Variants in PTPRJ observed in about 807,000 individuals in gnomAD.
The protein encoded by PTPRJ is receptor-type tyrosine-protein phosphatase eta.
In PTPRJ, 129 loss-of-function variants were observed where a neutral mutation model predicts 141.3. The ratio of observed to expected loss-of-function variants is 0.91; its 90% CI spans 0.79 to 1.06. The LOEUF is 1.06. PTPRJ is among the 50% of genes least tolerant of loss of function. The probability of loss-of-function intolerance (pLI) is 0.00; values close to 1 mark genes in which losing one functional copy is unlikely to be tolerated. For synonymous variants in PTPRJ, 610 were observed against 640.5 expected, an observed-to-expected ratio of 0.95 and a Z score of 0.72; for missense variants, 1,601 against 1,679.7, an observed-to-expected ratio of 0.95 and a Z score of 0.82.
At chr11:47,990,344 T>C (rs1437212562) in intron 1 of PTPRJ, among the ~76,000 whole-genome samples, 2 of 152,210 alleles carry the variant, frequency 1.3e-5, no homozygotes, top group East Asian at 3.8e-4. Flanking sequence ...AGGTATTCCA[T>C]TTACTGAAGA....
intron 11 of PTPRJ, among the ~76,000 whole-genome samples, chr11:48,142,061 C>T (rs939681811): frequency 2.3e-5 from 3 of 132,446 alleles, no homozygotes; most frequent in African/African-American, 5.6e-5. Flanking sequence ...TTATTATGCT[C>T]ACGGATACAC....
chr11:48,103,819 G>A (rs7117386), intron 1 of PTPRJ, among the ~76,000 whole-genome samples: 107,873 of 152,086 alleles, frequency 0.71, 39,803 homozygotes, highest in South Asian at 0.83. Context: ...TCGGCTGTGC[G>A]TCTCAAAGTC....
At chr11:48,063,273 A>G (rs1419864730) in intron 1 of PTPRJ, among the ~76,000 whole-genome samples, 1 of 152,202 alleles carries the variant, frequency 6.6e-6, no homozygotes, top group Non-Finnish European at 1.5e-5. Context: ...GGTTGCAGTG[A>G]GCTGAGATTG....
At position 48,121,235 on chromosome 11, in the gene PTPRJ, G is replaced by A; in HGVS notation, c.585G>A (p.Trp195Ter). 6.2e-7 allele frequency: 1 copy of A among 1,614,108 alleles called. No individual in the cohort carries two copies. Among genetic ancestry groups the A allele is most frequent in the Non-Finnish European group, 8.5e-7 (1 of 1,179,990 alleles). Residue 195 changes from tryptophan (W) to a stop codon, truncating the protein, a stop_gained, in exon 4 of 25, where the codon TGG becomes TGA. Coordinates refer to ENST00000418331, the MANE Select transcript of PTPRJ (RefSeq NM_002843.4). LOFTEE classifies it high-confidence loss of function. ...CTCCAGGAATAGGCAATGAGACTTGGGGAGATCCCAGAGTCATAAAAGTCA... is the reference window on the plus strand; with the variant it reads ...CTCCAGGAATAGGCAATGAGACTTGAGGAGATCCCAGAGTCATAAAAGTCA... Reference protein sequence around the residue: ...SITPGIGNETWGDPRVIKVIT... With the variant: ...SITPGIGNET
chr11:48,102,292 T>C (rs944703602), intron 1 of PTPRJ, among the ~76,000 whole-genome samples: 1 of 152,228 alleles, frequency 6.6e-6, no homozygotes, highest in Non-Finnish European at 1.5e-5. Flanking sequence ...CTCCAAGCAC[T>C]TCCCCCCGGG....
chr11:48,007,430 T>C (rs921931957), intron 1 of PTPRJ, among the ~76,000 whole-genome samples: 14 of 151,458 alleles, frequency 9.2e-5, no homozygotes, highest in African/African-American at 2.4e-4. Context: ...TTTTCTTTTT[T>C]TTTTCCTCAC....
chr11:48,046,610 G>A (rs1001134712), intron 1 of PTPRJ, among the ~76,000 whole-genome samples: 8 of 152,094 alleles, frequency 5.3e-5, no homozygotes, highest in African/African-American at 1.4e-4. Flanking sequence ...CTTTTGTGGT[G>A]TTGTGGGGAG....
At chr11:48,132,157 G>A in intron 8 of PTPRJ, 1 of 985,384 alleles carries the variant, frequency 1.0e-6, no homozygotes, top group Non-Finnish European at 1.2e-6. Flanking sequence ...GTGCTGTGTT[G>A]GGCAGGTGGA....
intron 15 of PTPRJ, among the ~76,000 whole-genome samples, chr11:48,148,802 C>A (rs1455172531): frequency 6.6e-6 from 1 of 152,134 alleles, no homozygotes; most frequent in Non-Finnish European, 1.5e-5. Flanking sequence ...TCTAGTTAAC[C>A]AATTTCCTAG....
chr11:48,003,784 C>A (rs1854559170), intron 1 of PTPRJ, among the ~76,000 whole-genome samples: 1 of 152,222 alleles, frequency 6.6e-6, no homozygotes, highest in Non-Finnish European at 1.5e-5. Context: ...GCGTGAGCCA[C>A]CGTGCCCAGC....
chr11:48,040,451 G>A (rs1010465294), intron 1 of PTPRJ, among the ~76,000 whole-genome samples: 3 of 152,120 alleles, frequency 2.0e-5, no homozygotes, highest in East Asian at 1.9e-4. Context: ...TTTATTTTCC[G>A]TACCACTGCC....
At chr11:48,116,146 C>A (rs892012993) in intron 3 of PTPRJ, among the ~76,000 whole-genome samples, 9 of 148,816 alleles carry the variant, frequency 6.0e-5, no homozygotes, top group South Asian at 2.1e-4. Context: ...AAAAAAAAAA[C>A]CGATCTCAAT....
At chr11:48,051,470 C>T (rs1854568704) in intron 1 of PTPRJ, among the ~76,000 whole-genome samples, 1 of 152,116 alleles carries the variant, frequency 6.6e-6, no homozygotes, top group African/African-American at 2.4e-5. Flanking sequence ...GAAAATGATT[C>T]TTTTGCTGAT....
At position 48,168,697 on chromosome 11, in the gene PTPRJ, AC is replaced by A; in HGVS notation, c.*1336del. 7.1e-6 allele frequency: 1 copy of A among 141,692 alleles called. No individual in the cohort carries two copies. The highest frequency in any genetic ancestry group is 1.5e-5 in the Non-Finnish European group (1 of 64,790). The allele number at this position is 141,692 out of a possible 1,614,324, so 8.8% of individuals were successfully genotyped here. The stretch of plus-strand genomic sequence containing the variant: ...TTTTCACTATACTGCTGCTGTAATT[AC>A]TTTGATTTTTAAAATGTAGATTAAT... On this transcript the variant is annotated 3_prime_UTR_variant, in exon 25 of 25. Coordinates refer to ENST00000418331, the MANE Select transcript of PTPRJ (RefSeq NM_002843.4).
chr11:48,060,958 C>T (rs907123208), intron 1 of PTPRJ, among the ~76,000 whole-genome samples: 7 of 152,164 alleles, frequency 4.6e-5, no homozygotes, highest in Admixed American at 6.6e-5. Context: ...GCCACCATGG[C>T]GGACACTACT....
intron 14 of PTPRJ, among the ~76,000 whole-genome samples, chr11:48,145,558 G>GTTTTTTTTTTTTTTTTTTTTATTTTTTGT (rs574426609): frequency 8.5e-6 from 1 of 117,504 alleles, no homozygotes; most frequent in Non-Finnish European, 1.7e-5. Context: ...TTTATTTTAT[G>GTTTTTTTTTTTTTTTTTTTTATTTTTTGT]TTTTTTTTTT....
intron 1 of PTPRJ, among the ~76,000 whole-genome samples, chr11:48,092,367 G>A (rs1855894039): frequency 6.6e-6 from 1 of 151,490 alleles, no homozygotes. Context: ...ACTGCTGTGG[G>A]ATAGCAAGGT....
At position 48,152,540 on chromosome 11, in the gene PTPRJ, A is replaced by G. The variant is rs924972365; in HGVS notation, c.3139-1256A>G. 1.3e-4 allele frequency among the ~76,000 whole-genome samples: 20 copies of G among 152,278 alleles called. No individual in the cohort carries two copies. In the East Asian group the frequency reaches 1.7e-3, roughly 13 times the overall value. On this transcript the variant is annotated intron_variant, in intron 18 of 24. Transcript: ENST00000418331. ...CCTTGCCCATGCCTATGTCCTGAAT[A>G]GTATTGCCTAGGTTTTCTTCTAGGG... is the stretch of plus-strand genomic sequence containing the variant.
rs1038372632 is a variant in PTPRJ, at chr11:48,136,371, G to A, written c.1873+75G>A. 2.6e-6 allele frequency: 4 copies of A among 1,519,996 alleles called. No individual in the cohort carries two copies. The African/African-American group carries it at 5.5e-5, about 21-fold the overall frequency. 94.2% of individuals were successfully genotyped at this position (1,519,996 alleles called of 1,614,324 possible). A position where few individuals can be genotyped will look rare whatever the true frequency, so the allele number is the denominator to read the frequency against. On this transcript the variant is annotated intron_variant, in intron 9 of 24. Transcript: ENST00000418331. ...TTGGAGGAGGCACTGGTTAAATGAT[G>A]GCCAGTGTGCTTCTGGGATCCAGGT... is the stretch of plus-strand genomic sequence containing the variant.
Sources: gnomAD v4.1 joint callset for allele counts (sites outside exome capture counted in the v4.1 genomes callset) on GRCh38, gnomAD v4.1.1 for gene constraint, MANE v1.5 for transcripts, NCBI Gene and HGNC (gene_info 2026-07-23, HGNC 2026-07-21) for gene names.